Variants in EYS observed in about 807,000 individuals in gnomAD.
The protein encoded by EYS is protein eyes shut homolog.
EYS carries 250 observed loss-of-function variants against 282.1 expected under a neutral mutation model. The observed-to-expected ratio is 0.89, with a 90% CI of 0.80 to 0.98. The LOEUF is 0.98. Among genes scored for constraint, EYS ranks in the 50% least tolerant of loss-of-function variants. The probability of loss-of-function intolerance (pLI) is 0.00; values close to 1 mark genes in which losing one functional copy is unlikely to be tolerated. For synonymous variants in EYS, 1,355 were observed against 1,282.9 expected, an observed-to-expected ratio of 1.06 and a Z score of -1.20; for missense variants, 4,016 against 3,709.0, an observed-to-expected ratio of 1.08 and a Z score of -2.15.
At chr6:63,812,544 G>A (rs1220276371) in intron 36 of EYS, among the ~76,000 whole-genome samples, 1 of 152,052 alleles carries the variant, frequency 6.6e-6, no homozygotes, top group South Asian at 2.1e-4. Context: ...CACTCAGATT[G>A]CAGATTCCAC....
intron 22 of EYS, among the ~76,000 whole-genome samples, chr6:64,714,879 C>CG (rs1277589180): frequency 6.6e-6 from 1 of 152,126 alleles, no homozygotes; most frequent in Non-Finnish European, 1.5e-5. Context: ...ACCACCCCCT[C>CG]TACCAGTTGC....
intron 12 of EYS, among the ~76,000 whole-genome samples, chr6:65,195,869 T>C (rs1765753126): frequency 6.6e-6 from 1 of 151,954 alleles, no homozygotes; most frequent in South Asian, 2.1e-4. Context: ...AAAAAATAAA[T>C]CATGCAACAG....
rs2149792431 is a variant in EYS, at chr6:63,984,611, A to G, written c.6835-8T>C. 6.6e-7 allele frequency: 1 copy of G among 1,523,890 alleles called. No individual in the cohort carries two copies. The highest frequency in any genetic ancestry group is 8.9e-7 in the Non-Finnish European group (1 of 1,123,158). The allele number at this position is 1,523,890 out of a possible 1,614,324, so 94.4% of individuals were successfully genotyped here. ...CATTGATTCAAAATATGCCTGTAGA[A>G]AAAGTAACAACAAAAAATATTATAG... On this transcript the variant is annotated splice_polypyrimidine_tract_variant and splice_region_variant and intron_variant, in intron 34 of 42. Coordinates refer to ENST00000503581, the MANE Select transcript of EYS (RefSeq NM_001142800.2).
intron 2 of EYS, among the ~76,000 whole-genome samples, chr6:65,605,398 A>T (rs920256668): frequency 6.6e-6 from 1 of 151,988 alleles, no homozygotes; most frequent in Admixed American, 6.6e-5. Context: ...ATAAATTATA[A>T]TACACAAGGT....
At chr6:65,010,246 G>A (rs1262892344) in intron 13 of EYS, among the ~76,000 whole-genome samples, 1 of 152,218 alleles carries the variant, frequency 6.6e-6, no homozygotes, top group African/African-American at 2.4e-5. Context: ...ATGGTTTACA[G>A]GTAGTGGCAG....
At chr6:65,079,126 CATT>C (rs1482113646) in intron 12 of EYS, among the ~76,000 whole-genome samples, 1 of 151,978 alleles carries the variant, frequency 6.6e-6, no homozygotes, top group East Asian at 1.9e-4. Context: ...CTATTACAAA[CATT>C]AATTGATTTG....
intron 34 of EYS, among the ~76,000 whole-genome samples, chr6:63,985,158 A>G (rs1042260562): frequency 4.4e-4 from 67 of 151,682 alleles, no homozygotes; most frequent in African/African-American, 1.6e-3. Flanking sequence ...GGACTTTTAT[A>G]AGGACAATAG....
chr6:64,160,132 C>T (rs181055412), intron 31 of EYS, among the ~76,000 whole-genome samples: 1 of 152,142 alleles, frequency 6.6e-6, no homozygotes, highest in Admixed American at 6.5e-5. Flanking sequence ...CAATCATTGT[C>T]CACTCAATAA....
chr6:64,734,445 G>C (rs760190981), intron 22 of EYS, among the ~76,000 whole-genome samples: 24 of 152,122 alleles, frequency 1.6e-4, no homozygotes, highest in Non-Finnish European at 2.9e-4. Context: ...GTTTGCAAGT[G>C]TTTTGATGTG....
At chr6:64,528,115 A>G (rs867258701) in intron 26 of EYS, among the ~76,000 whole-genome samples, 1 of 151,938 alleles carries the variant, frequency 6.6e-6, no homozygotes, top group Non-Finnish European at 1.5e-5. Flanking sequence ...AGCAATTTGA[A>G]TGACTCTAAG....
chr6:64,508,997 A>C (rs2150517516), intron 26 of EYS, among the ~76,000 whole-genome samples: 1 of 152,158 alleles, frequency 6.6e-6, no homozygotes, highest in African/African-American at 2.4e-5. Flanking sequence ...TCAACAAAAT[A>C]TTATTTCTCC....
intron 11 of EYS, among the ~76,000 whole-genome samples, chr6:65,319,036 TTTTATC>T (rs1423616374): frequency 6.6e-6 from 1 of 151,540 alleles, no homozygotes; most frequent in Non-Finnish European, 1.5e-5. Flanking sequence ...TTTACATGAT[TTTTATC>T]TTTATATTTT....
rs9445441 is a variant in EYS at position 64,942,920 on chromosome 6, G to A, written c.2381+2873C>T. On this transcript the variant is annotated intron_variant, in intron 15 of 42. Coordinates refer to ENST00000503581, the MANE Select transcript of EYS (RefSeq NM_001142800.2). ...TATCGAGATACCAAAACCTGGAAAA[G>A]ATACAACACAAAAAGAAAACTACAG... Among the ~76,000 whole-genome samples the A allele has an allele frequency of 7.8e-3, 1,169 of 149,150 alleles. 15 individuals are homozygous for A. Among genetic ancestry groups the A allele is most frequent in the African/African-American group, 0.027 (1,083 of 40,426 alleles).
At chr6:64,579,070 TCTC>T (rs1179300784) in intron 26 of EYS, among the ~76,000 whole-genome samples, 5 of 152,082 alleles carry the variant, frequency 3.3e-5, no homozygotes, top group African/African-American at 1.2e-4. Flanking sequence ...AGCAAGTTCT[TCTC>T]CTCATTCGCA....
intron 5 of EYS, among the ~76,000 whole-genome samples, chr6:65,436,013 T>A (rs1413115612): frequency 6.6e-6 from 1 of 152,138 alleles, no homozygotes; most frequent in East Asian, 1.9e-4. Context: ...TTTTAAGCCA[T>A]CCAGTACATG....
At chr6:65,392,619 G>T (rs1269309064) in intron 7 of EYS, among the ~76,000 whole-genome samples, 1 of 152,118 alleles carries the variant, frequency 6.6e-6, no homozygotes, top group African/African-American at 2.4e-5. Context: ...AAACCACAAT[G>T]AGATACCATC....
At chr6:64,743,324 G>A (rs1772438007) in intron 22 of EYS, among the ~76,000 whole-genome samples, 1 of 152,018 alleles carries the variant, frequency 6.6e-6, no homozygotes, top group South Asian at 2.1e-4. Flanking sequence ...AAAGGCACCA[G>A]GCCCAATCTA....
intron 22 of EYS, among the ~76,000 whole-genome samples, chr6:64,647,568 T>C (rs1399200867): frequency 6.6e-6 from 1 of 152,218 alleles, no homozygotes; most frequent in East Asian, 1.9e-4. Context: ...TTTATGGCAC[T>C]ATACCAATGA....
intron 36 of EYS, among the ~76,000 whole-genome samples, chr6:63,825,985 A>C (rs1274707835): frequency 6.6e-6 from 1 of 152,238 alleles, no homozygotes; most frequent in Non-Finnish European, 1.5e-5. Flanking sequence ...ATGTGAGGAA[A>C]TTCAAAAAAT....
Sources: allele counts gnomAD v4.1 joint callset (sites outside exome capture counted in the v4.1 genomes callset), GRCh38; gene constraint gnomAD v4.1.1; transcripts MANE v1.5; gene names NCBI Gene and HGNC (gene_info 2026-07-23, HGNC 2026-07-21).